Variants in DOCK10 observed in about 807,000 individuals in gnomAD.
The protein encoded by DOCK10 is dedicator of cytokinesis protein 10.
DOCK10 carries 145 observed loss-of-function variants against 280.1 expected under a neutral mutation model. That is an observed-to-expected ratio of 0.52 (90% CI 0.45 to 0.59). The LOEUF is 0.59. DOCK10 is among the 20% of genes least tolerant of loss of function. DOCK10 has a pLI of 0.00. For synonymous variants in DOCK10, 915 were observed against 942.2 expected (o/e 0.97, Z 0.53); for missense variants, 2,368 against 2,651.7 (o/e 0.89, Z 2.35).
In DOCK10 at chr2:224,844,753, CTGAG is replaced by C; in HGVS notation, c.2564_2567del (p.Thr855ArgfsTer5). ...TAGTATTTCAGGTCAACATACTCAC[CTGAG>C]TATTTACTGTTGATACAACAAATGT... On this transcript the variant is annotated frameshift_variant and splice_region_variant, in exon 22 of 56. Transcript: ENST00000258390. LOFTEE classifies it high-confidence loss of function. 6.3e-7 allele frequency: 1 copy of C among 1,578,198 alleles called. No homozygotes were observed. The highest frequency in any genetic ancestry group is 8.6e-7 in the Non-Finnish European group (1 of 1,156,404).
At position 224,864,741 on chromosome 2, in the gene DOCK10, A is replaced by AT. The variant is rs1269063815; in HGVS notation, c.1480-67dup. On this transcript the variant is annotated intron_variant, in intron 12 of 55. Transcript: ENST00000258390. ...ACATTGTAGACATTTACAAAATTCC[A>AT]TTTTTTTAAAAAAGGACAGCTTTAA... is the stretch of plus-strand genomic sequence containing the variant. The AT allele has an allele frequency of 9.3e-5, 146 of 1,575,834 alleles. 1 individual carries two copies. Among genetic ancestry groups the AT allele is most frequent in the South Asian group, 2.3e-4 (19 of 84,338 alleles).
chr2:224,947,019 A>G, intron 1 of DOCK10: 1 of 1,483,508 alleles, frequency 6.7e-7, no homozygotes, highest in Non-Finnish European at 9.0e-7. Flanking sequence ...TCTCTTCTGA[A>G]GCGTCACCAG....
chr2:225,001,706 A>C (rs1051136406), intron 1 of DOCK10, among the ~76,000 whole-genome samples: 1 of 152,200 alleles, frequency 6.6e-6, no homozygotes, highest in Non-Finnish European at 1.5e-5. Flanking sequence ...TAAACAACAA[A>C]AATTAATTTC....
rs397869895 is a variant in DOCK10 at position 225,035,572 on chromosome 2, A to ATTATATATATATATATATATATATATAT, written c.123+6679_123+6680insATATATATATATATATATATATATATAA. ...TATATATATATATATATATATATAT[A>ATTATATATATATATATATATATATATAT]TATATATATATATATAACACTGAAT... On this transcript the variant is annotated intron_variant, in intron 1 of 55. Transcript: ENST00000258390. 3.7e-4 allele frequency among the ~76,000 whole-genome samples: 26 copies of ATTATATATATATATATATATATATATAT among 69,958 alleles called. 1 individual carries two copies. The highest frequency in any genetic ancestry group is 6.7e-4 in the Non-Finnish European group (23 of 34,228). 45.9% of individuals were successfully genotyped at this position (69,958 alleles called of 152,430 possible). A position where few individuals can be genotyped will look rare whatever the true frequency, so the allele number is the denominator to read the frequency against.
chr2:225,042,309 G>C lies in DOCK10; in HGVS notation c.66C>G (p.Leu22=). ...SLLRPGQAAE[L]RHSAASAAAV... ...CGGCGGCGGACGCGGCGCTGTGCCG[G>C]AGCTCGGCCGCCTGCCCAGGTCTCA... The change falls in exon 1 of 56, where the codon CTC becomes CTG. Residue 22 remains leucine (L), a synonymous_variant. Transcript: ENST00000258390. This position sits in a 1 kb window ranked among gnomAD's most constrained non-coding sequence, Gnocchi z 5.1. 2.2e-6 allele frequency: 3 copies of C among 1,356,098 alleles called. No homozygotes were observed. The highest frequency in any genetic ancestry group is 2.9e-6 in the Non-Finnish European group (3 of 1,050,708). 84.0% of individuals were successfully genotyped at this position (1,356,098 alleles called of 1,614,324 possible). A position where few individuals can be genotyped will look rare whatever the true frequency, so the allele number is the denominator to read the frequency against.
At chr2:224,865,583 A>G (rs1697851862) in intron 11 of DOCK10, among the ~76,000 whole-genome samples, 1 of 152,202 alleles carries the variant, frequency 6.6e-6, no homozygotes, top group South Asian at 2.1e-4. Flanking sequence ...TTAGTGTCGC[A>G]GATACATATT....
In DOCK10 at chr2:224,773,251, G is replaced by A; in HGVS notation, c.6110C>T (p.Ser2037Phe). Residue 2037 changes from serine to phenylalanine, a missense_variant, in exon 53 of 56, where the codon TCC (serine) becomes TTC (phenylalanine). Physicochemically the swap from Ser to Phe is radical, Grantham distance 155 (BLOSUM62 -2). Transcript: ENST00000258390. ...CTGATTAAGCTCAGAAACCTTCTTG[G>A]ACATCTCGTCAATTGCCACTTCAAT... Reference protein sequence around the residue: ...NPIEVAIDEMSKKVSELNQLC... With the variant: ...NPIEVAIDEMFKKVSELNQLC... The A allele has an allele frequency of 1.9e-6, 3 of 1,613,884 alleles. No homozygotes were observed. Among genetic ancestry groups the A allele is most frequent in the Non-Finnish European group, 2.5e-6 (3 of 1,179,870 alleles).
At chr2:225,012,787 T>C (rs1238398215) in intron 1 of DOCK10, among the ~76,000 whole-genome samples, 2 of 152,166 alleles carry the variant, frequency 1.3e-5, no homozygotes, top group Non-Finnish European at 2.9e-5. Flanking sequence ...AACTATAAAA[T>C]AGGTATGATT....
Position 224,793,009 on chromosome 2 carries a change from T to C in DOCK10, c.5276A>G (p.Asp1759Gly). The part of the protein sequence containing the change: ...SLLSEDTHPC[D>G]SNSLLTTPSG... ...GGGAGTTGTTAGTAATGAGTTGCTA[T>C]CACAGGGGTGGGTATCCTCCGAGAG... The change falls in exon 47 of 56, where the codon GAT (aspartate) becomes GGT (glycine). Residue 1759 changes from aspartate (D) to glycine (G), a missense_variant. Coordinates refer to ENST00000258390, the MANE Select transcript of DOCK10 (RefSeq NM_014689.3). 6.2e-7 allele frequency: 1 copy of C among 1,613,918 alleles called. No homozygotes were observed. The highest frequency in any genetic ancestry group is 1.7e-5 in the Admixed American group (1 of 60,018).
At chr2:224,983,033 G>C (rs1301453876) in intron 1 of DOCK10, among the ~76,000 whole-genome samples, 1 of 152,170 alleles carries the variant, frequency 6.6e-6, no homozygotes, top group Non-Finnish European at 1.5e-5. Context: ...TGGTTGTTCT[G>C]TTCCCACACA....
intron 52 of DOCK10, among the ~76,000 whole-genome samples, chr2:224,774,518 A>AATATG (rs1690687624): frequency 6.6e-6 from 1 of 152,212 alleles, no homozygotes; most frequent in Non-Finnish European, 1.5e-5. Flanking sequence ...ACAGATGAAG[A>AATATG]ATATGAATCC....
chr2:224,878,301 C>A (rs1698764719), intron 7 of DOCK10, among the ~76,000 whole-genome samples: 1 of 152,140 alleles, frequency 6.6e-6, no homozygotes, highest in African/African-American at 2.4e-5. Context: ...TCATAACAAC[C>A]CTGTGGGACC....
chr2:224,926,641 G>A (rs1423723744), intron 2 of DOCK10, among the ~76,000 whole-genome samples: 1 of 152,216 alleles, frequency 6.6e-6, no homozygotes, highest in Non-Finnish European at 1.5e-5. Context: ...CGTGTTCTTA[G>A]TGCTGTTTTT....
chr2:225,014,245 C>T (rs1354233784), intron 1 of DOCK10, among the ~76,000 whole-genome samples: 1 of 151,762 alleles, frequency 6.6e-6, no homozygotes, highest in African/African-American at 2.4e-5. Context: ...TCTAGAGTTA[C>T]TGGGTACCAT....
At chr2:224,991,097 C>T (rs1706116623) in intron 1 of DOCK10, among the ~76,000 whole-genome samples, 1 of 152,172 alleles carries the variant, frequency 6.6e-6, no homozygotes, top group Non-Finnish European at 1.5e-5. Context: ...AAGGATGTCC[C>T]CGGTGAAGGC....
chr2:224,840,259 C>A (rs994256912), intron 23 of DOCK10, 187 bp from the exon 24 acceptor site: 2 of 481,166 alleles, frequency 4.2e-6, no homozygotes, highest in African/African-American at 1.9e-5. Context: ...AGACAAATGG[C>A]ATATCAAACT....
intron 26 of DOCK10, among the ~76,000 whole-genome samples, chr2:224,831,986 G>A (rs987030021): frequency 2.0e-5 from 3 of 152,152 alleles, no homozygotes; most frequent in African/African-American, 4.8e-5. Flanking sequence ...GACAGGTGCA[G>A]TATGAGAAGA....
chr2:224,823,193 G>A (rs894280445), intron 28 of DOCK10, among the ~76,000 whole-genome samples: 3 of 151,702 alleles, frequency 2.0e-5, no homozygotes, highest in Non-Finnish European at 4.4e-5. Flanking sequence ...TCACCATGTT[G>A]GCCAGGATGG....
chr2:225,020,267 C>T (rs1164930350), intron 1 of DOCK10, among the ~76,000 whole-genome samples: 3 of 152,060 alleles, frequency 2.0e-5, no homozygotes, highest in East Asian at 1.9e-4. Flanking sequence ...ATGTCCTTGA[C>T]ATTTTGTGGA....
Sources: gnomAD v4.1 joint callset for allele counts (sites outside exome capture counted in the v4.1 genomes callset) on GRCh38, gnomAD v4.1.1 for gene constraint, Gnocchi (gnomAD v3.1) non-coding constraint, MANE v1.5 for transcripts, NCBI Gene and HGNC (gene_info 2026-07-23, HGNC 2026-07-21) for gene names.